UGT1A9: variants seen among roughly 807,000 people sequenced by gnomAD.
UGT1A9 encodes UDP glucuronosyltransferase family 1 member A9, also known as UDP-glucuronosyltransferase 1A9.
A neutral mutation model predicts 45.0 loss-of-function variants in UGT1A9; 35 were observed. The ratio of observed to expected loss-of-function variants is 0.78; its 90% CI spans 0.59 to 1.03. UGT1A9 has a LOEUF of 1.03. Among genes scored for constraint, UGT1A9 ranks in the 50% least tolerant of loss-of-function variants. The pLI, the probability that UGT1A9 is intolerant of heterozygous loss-of-function variation, is 0.00. For missense variants in UGT1A9, 687 were observed against 666.6 expected, an observed-to-expected ratio of 1.03 and a Z score of -0.34; for synonymous variants, 278 against 250.6, an observed-to-expected ratio of 1.11 and a Z score of -1.03.
intron 1 of UGT1A9, among the ~76,000 whole-genome samples, chr2:233,700,715 T>C (rs988984711): frequency 6.6e-6 from 1 of 152,182 alleles, no homozygotes; most frequent in Admixed American, 6.5e-5. Flanking sequence ...TTTTTTTCTT[T>C]TTTTAAAAAT....
rs1228261525 is a variant in UGT1A9 at position 233,707,568 on chromosome 2, T to G, written c.855+34779T>G. On this transcript the variant is annotated intron_variant, in intron 1 of 4. Transcript: ENST00000354728. ...TTTTTTTTTTGGTTCAACCTTATGT[T>G]TGAGAGATTCATGATGTGTGTTTTT... Among the ~76,000 whole-genome samples the G allele has an allele frequency of 2.0e-5, 3 of 152,064 alleles. No homozygotes were observed. In the East Asian group the frequency reaches 5.8e-4, roughly 29 times the overall value.
chr2:233,766,907 C>G (rs1383334189), intron 1 of UGT1A9, 127 bp from the exon 2 acceptor site: 28 of 1,506,666 alleles, frequency 1.9e-5, no homozygotes, highest in African/African-American at 1.4e-5. Flanking sequence ...TAATTTTTTA[C>G]TCTATCTCAA....
At chr2:233,690,442 T>C (rs929947496) in intron 1 of UGT1A9, 2 of 1,281,964 alleles carry the variant, frequency 1.6e-6, no homozygotes, top group African/African-American at 3.0e-5. Context: ...GGGTCTCTCC[T>C]CTATTCAAAA....
intron 1 of UGT1A9, among the ~76,000 whole-genome samples, chr2:233,738,401 T>G (rs1318254464): frequency 6.6e-6 from 1 of 152,210 alleles, no homozygotes; most frequent in African/African-American, 2.4e-5. Context: ...GACTTGGAAC[T>G]GGGTAACAGG....
chr2:233,728,952 CA>C (rs1350442582), intron 1 of UGT1A9, among the ~76,000 whole-genome samples: 1 of 152,152 alleles, frequency 6.6e-6, no homozygotes, highest in African/African-American at 2.4e-5. Flanking sequence ...GTGGGGCCCA[CA>C]GTGAAAAACA....
intron 1 of UGT1A9, chr2:233,692,720 C>T (rs781721016): frequency 3.3e-5 from 27 of 821,782 alleles, no homozygotes; most frequent in Admixed American, 3.3e-4. Flanking sequence ...CAAAGTGTTG[C>T]TATAACTTTT....
chr2:233,705,730 T>G (rs898317128), intron 1 of UGT1A9, among the ~76,000 whole-genome samples: 6 of 152,220 alleles, frequency 3.9e-5, no homozygotes, highest in African/African-American at 1.4e-4. Flanking sequence ...TTTAATACCC[T>G]GAGCAGGTAG....
chr2:233,727,163 C>T (rs1212217788), intron 1 of UGT1A9, among the ~76,000 whole-genome samples: 2 of 152,150 alleles, frequency 1.3e-5, no homozygotes, highest in Non-Finnish European at 2.9e-5. Flanking sequence ...TTTCAGGATG[C>T]TTTTTTCTGT....
intron 1 of UGT1A9, among the ~76,000 whole-genome samples, chr2:233,731,386 C>A (rs2125763293): frequency 6.6e-6 from 1 of 152,052 alleles, no homozygotes; most frequent in Admixed American, 6.6e-5. Flanking sequence ...CCTGCACCCA[C>A]CAACTCGTCA....
intron 1 of UGT1A9, among the ~76,000 whole-genome samples, chr2:233,765,604 G>C (rs986298003): frequency 6.6e-5 from 10 of 151,976 alleles, no homozygotes; most frequent in African/African-American, 2.2e-4. Context: ...CAGGGCTTGT[G>C]GCGGGGTGAG....
chr2:233,741,159 G>T (rs1330355973), intron 1 of UGT1A9, among the ~76,000 whole-genome samples: 1 of 151,856 alleles, frequency 6.6e-6, no homozygotes, highest in Non-Finnish European at 1.5e-5. Flanking sequence ...CACTAATCCA[G>T]GATATATCAA....
intron 1 of UGT1A9, chr2:233,747,152 G>A (rs1023956856): frequency 1.3e-6 from 2 of 1,577,494 alleles, no homozygotes; most frequent in African/African-American, 1.4e-5. Context: ...TTAAGATGAA[G>A]AAAACAAATG....
chr2:233,713,105 C>T (rs1300950755), intron 1 of UGT1A9: 1 of 1,614,094 alleles, frequency 6.2e-7, no homozygotes, highest in African/African-American at 1.3e-5. Flanking sequence ...CCACTGATGG[C>T]AGCCACTGGC....
In UGT1A9 at chr2:233,768,310, C is replaced by G; in HGVS notation, c.1166C>G (p.Pro389Arg). 6.2e-7 allele frequency: 1 copy of G among 1,614,060 alleles called. No homozygotes were observed. Among genetic ancestry groups the G allele is most frequent in the Non-Finnish European group, 8.5e-7 (1 of 1,180,018 alleles). ...ICNGVPMVMM[P>R]LFGDQMDNAK... ...AATGGCGTTCCCATGGTGATGATGC[C>G]CTTGTTTGGTGATCAGATGGACAAT... The change falls in exon 4 of 5, where the codon CCC becomes CGC. Residue 389 changes from proline to arginine, a missense_variant. Physicochemically the swap from Pro to Arg is moderately radical, Grantham distance 103. Coordinates refer to ENST00000354728, the MANE Select transcript of UGT1A9 (RefSeq NM_021027.3).
chr2:233,678,793 T>A (rs2074429314), intron 1 of UGT1A9, among the ~76,000 whole-genome samples: 2 of 152,190 alleles, frequency 1.3e-5, no homozygotes, highest in Non-Finnish European at 2.9e-5. Context: ...GTGGCATCTA[T>A]TGGCTCTTGA....
intron 1 of UGT1A9, chr2:233,747,344 G>A (rs1693636128): frequency 6.2e-7 from 1 of 1,603,174 alleles, no homozygotes; most frequent in African/African-American, 1.3e-5. Context: ...TGGCTCGCAT[G>A]CGGGAGGCCG....
intron 1 of UGT1A9, 85 bp from the exon 2 acceptor site, chr2:233,766,949 G>A: frequency 6.2e-7 from 1 of 1,600,626 alleles, no homozygotes. Context: ...GTCTTAAGAG[G>A]AAGATATCTA....
intron 1 of UGT1A9, among the ~76,000 whole-genome samples, chr2:233,675,316 A>G (rs1324274633): frequency 1.3e-5 from 2 of 152,172 alleles, no homozygotes; most frequent in Non-Finnish European, 2.9e-5. Context: ...GTGTGTGTTG[A>G]TTAATGATGT....
rs186714678 is a variant in UGT1A9 at position 233,744,068 on chromosome 2, C to T, written c.856-22966C>T. On this transcript the variant is annotated intron_variant, in intron 1 of 4. Coordinates refer to ENST00000354728, the MANE Select transcript of UGT1A9 (RefSeq NM_021027.3). ...CATCTCATTGGTCGAGGCCTATGAG[C>T]GCCTCGCATCCCAAGATGCAGTGCT... is the stretch of plus-strand genomic sequence containing the variant. 2.4e-4 allele frequency: 123 copies of T among 517,010 alleles called. 1 individual carries two copies. Among genetic ancestry groups the T allele is most frequent in the African/African-American group, 1.6e-3 (78 of 49,160 alleles). 32.0% of individuals were successfully genotyped at this position (517,010 alleles called of 1,614,324 possible).
Sources: allele counts gnomAD v4.1 joint callset (sites outside exome capture counted in the v4.1 genomes callset), GRCh38; gene constraint gnomAD v4.1.1; transcripts MANE v1.5; gene names NCBI Gene and HGNC (gene_info 2026-07-23, HGNC 2026-07-21).